AUTS2: variants seen among roughly 807,000 people sequenced by gnomAD.
AUTS2 encodes autism susceptibility gene 2 protein.
A neutral mutation model predicts 112.4 loss-of-function variants in AUTS2; 17 were observed. The observed-to-expected ratio is 0.15, with a 90% confidence interval of 0.10 to 0.23. The LOEUF (loss-of-function observed/expected upper bound fraction) is 0.23. Among genes scored for constraint, AUTS2 ranks in the 10% least tolerant of loss-of-function variants. AUTS2 has a pLI of 1.00. For missense variants in AUTS2, 1,510 were observed against 1,701.6 expected (o/e 0.89, Z 1.98); for synonymous variants, 751 against 702.7 (o/e 1.07, Z -1.09).
At chr7:70,448,631 G>C (rs1472025771) in intron 5 of AUTS2, among the ~76,000 whole-genome samples, 2 of 152,184 alleles carry the variant, frequency 1.3e-5, no homozygotes, top group Admixed American at 6.5e-5. Flanking sequence ...TGGTCGTTTA[G>C]AATGCAGCAA....
At chr7:69,771,120 CA>C (rs1354915212) in intron 1 of AUTS2, among the ~76,000 whole-genome samples, 1 of 152,166 alleles carries the variant, frequency 6.6e-6, no homozygotes, top group African/African-American at 2.4e-5. Flanking sequence ...TTCCCCTGGC[CA>C]CTGTGCACTC....
chr7:70,387,096 A>G (rs1165343998), intron 4 of AUTS2, among the ~76,000 whole-genome samples: 4 of 152,072 alleles, frequency 2.6e-5, no homozygotes, highest in Non-Finnish European at 5.9e-5. Flanking sequence ...TTTAAAAAAT[A>G]CCTCTATCCT....
At chr7:70,650,275 A>C (rs1228258080) in intron 5 of AUTS2, among the ~76,000 whole-genome samples, 1 of 152,140 alleles carries the variant, frequency 6.6e-6, no homozygotes, top group East Asian at 1.9e-4. Flanking sequence ...TAAAACAGTC[A>C]CCGTCCAAGA....
intron 4 of AUTS2, among the ~76,000 whole-genome samples, chr7:70,326,860 T>C (rs1259982372): frequency 1.3e-5 from 2 of 151,412 alleles, no homozygotes; most frequent in Non-Finnish European, 2.9e-5. Context: ...CAGTTCTTGG[T>C]AATAACTGTA....
At chr7:70,134,719 GT>G (rs1206238506) in intron 4 of AUTS2, 148 bp downstream of exon 4, 1 of 820,032 alleles carries the variant, frequency 1.2e-6, no homozygotes, top group Non-Finnish European at 2.0e-6. Context: ...ATTAGGAATT[GT>G]TTTATTTTTA....
rs1795518095 is a variant in AUTS2 at position 70,428,378 on chromosome 7, T to A, written c.661-7374T>A. On this transcript the variant is annotated intron_variant, in intron 4 of 18. Coordinates refer to ENST00000342771, the MANE Select transcript of AUTS2 (RefSeq NM_015570.4). ...AGCTGGGCAGGGGATGGTGAACGTG[T>A]TTTTAGTCACCATGCTGCTATCTTA... Among the ~76,000 whole-genome samples, 8 of 152,286 alleles carry A rather than the reference T, an allele frequency of 5.3e-5. No homozygotes were observed. The South Asian group carries it at 1.7e-3, about 32-fold the overall frequency.
At chr7:70,156,196 A>T (rs1807747590) in intron 4 of AUTS2, among the ~76,000 whole-genome samples, 1 of 152,026 alleles carries the variant, frequency 6.6e-6, no homozygotes, top group Non-Finnish European at 1.5e-5. Flanking sequence ...CTTCCCCTGT[A>T]CTTCTCTCTG....
At position 69,895,549 on chromosome 7, in the gene AUTS2, C is replaced by CT. The variant is rs901344534; in HGVS notation, c.310-3737_310-3736insT. The stretch of plus-strand genomic sequence containing the variant: ...GATCCTCTCTCTCTCTTCTTCCCCC[C>CT]CCCCGAGTGGAAAATCTCAATATTA... On this transcript the variant is annotated intron_variant, in intron 1 of 18. Transcript: ENST00000342771. 2.0e-4 allele frequency among the ~76,000 whole-genome samples: 29 copies of CT among 142,446 alleles called. 1 individual carries two copies. The highest frequency in any genetic ancestry group is 5.5e-4 in the African/African-American group (20 of 36,220). The allele number at this position is 142,446 out of a possible 152,430, so 93.5% of individuals were successfully genotyped here. A position where few individuals can be genotyped will look rare whatever the true frequency, so the allele number is the denominator to read the frequency against.
At chr7:70,113,419 A>C (rs1805190942) in intron 2 of AUTS2, among the ~76,000 whole-genome samples, 1 of 152,190 alleles carries the variant, frequency 6.6e-6, no homozygotes, top group African/African-American at 2.4e-5. Context: ...TTTATCTTGA[A>C]AAATAAAAAT....
intron 2 of AUTS2, among the ~76,000 whole-genome samples, chr7:70,009,690 C>T (rs570979876): frequency 2.6e-5 from 4 of 152,188 alleles, no homozygotes; most frequent in Non-Finnish European, 5.9e-5. Flanking sequence ...TTTCTTTAAT[C>T]GGATTCTCAT....
chr7:70,365,350 G>A (rs1357944374), intron 4 of AUTS2, among the ~76,000 whole-genome samples: 1 of 152,170 alleles, frequency 6.6e-6, no homozygotes, highest in Non-Finnish European at 1.5e-5. Context: ...AATACATGTG[G>A]TCAAGCATTC....
chr7:69,900,139 C>T (rs2129540585), intron 2 of AUTS2, among the ~76,000 whole-genome samples: 1 of 152,288 alleles, frequency 6.6e-6, no homozygotes, highest in Middle Eastern at 3.4e-3. Flanking sequence ...TGGCTCTTGG[C>T]ATTTGGGAAG....
chr7:70,790,888 C>T lies in AUTS2; in HGVS notation c.3672C>T (p.Ile1224=). 6.3e-7 allele frequency: 1 copy of T among 1,599,848 alleles called. No individual in the cohort carries two copies. Among genetic ancestry groups the T allele is most frequent in the Non-Finnish European group, 8.5e-7 (1 of 1,172,672 alleles). ...TAALSAPPPL[I]STLGGRPVSP... is the part of the protein sequence containing the mutation. ...CGCTGAGCGCACCTCCCCCGCTCAT[C>T]TCCACGCTGGGGGGCCGCCCGGTCT... Residue 1224 remains isoleucine, a synonymous_variant, in exon 19 of 19, where the codon ATC becomes ATT. Coordinates refer to ENST00000342771, the MANE Select transcript of AUTS2 (RefSeq NM_015570.4). The surrounding 1 kb of genome is among the most constrained non-coding windows in gnomAD (Gnocchi z 7.6).
At position 70,613,564 on chromosome 7, in the gene AUTS2, G is replaced by A. The variant is rs73706201; in HGVS notation, c.691-85005G>A. On this transcript the variant is annotated intron_variant, in intron 5 of 18. Transcript: ENST00000342771. ...CAGGAGAGCAGAGGGGAGGGTTGCC[G>A]AGAGTGGATGGCCTCAGTAAGTCCC... 4.7e-3 allele frequency among the ~76,000 whole-genome samples: 713 copies of A among 152,242 alleles called. 6 individuals carry two copies. The highest frequency in any genetic ancestry group is 0.016 in the African/African-American group (671 of 41,536).
chr7:69,990,641 A>G (rs1045250833), intron 2 of AUTS2, among the ~76,000 whole-genome samples: 4 of 152,204 alleles, frequency 2.6e-5, no homozygotes, highest in Admixed American at 2.0e-4. Context: ...CTGCCTTTAC[A>G]TAGTTTCTGG....
At chr7:69,920,095 TTGG>T (rs1263043797) in intron 2 of AUTS2, among the ~76,000 whole-genome samples, 6 of 151,940 alleles carry the variant, frequency 3.9e-5, no homozygotes, top group East Asian at 1.9e-4. Context: ...GGCATGCCTA[TTGG>T]TGGTGATCTG....
intron 4 of AUTS2, among the ~76,000 whole-genome samples, chr7:70,333,046 A>C (rs1208402835): frequency 6.6e-6 from 1 of 152,204 alleles, no homozygotes; most frequent in Non-Finnish European, 1.5e-5. Flanking sequence ...ATGGGAGAAA[A>C]TTTTTGCAAT....
chr7:70,342,966 T>A (rs928550208), intron 4 of AUTS2, among the ~76,000 whole-genome samples: 1 of 152,202 alleles, frequency 6.6e-6, no homozygotes, highest in Non-Finnish European at 1.5e-5. Context: ...CAGGATTGTT[T>A]CTAAGAAAGG....
chr7:70,419,814 T>C (rs1795140612), intron 4 of AUTS2, among the ~76,000 whole-genome samples: 1 of 152,262 alleles, frequency 6.6e-6, no homozygotes, highest in Non-Finnish European at 1.5e-5. Flanking sequence ...ATTTGATTGA[T>C]GAAGAGAAAT....
Sources: allele counts gnomAD v4.1 joint callset (sites outside exome capture counted in the v4.1 genomes callset), GRCh38; gene constraint gnomAD v4.1.1; non-coding constraint Gnocchi (gnomAD v3.1); transcripts MANE v1.5; gene names NCBI Gene and HGNC (gene_info 2026-07-23, HGNC 2026-07-21).